Variants in STXBP5L observed in about 807,000 individuals in gnomAD.
The protein encoded by STXBP5L is syntaxin-binding protein 5-like.
Under a neutral mutation model 144.5 loss-of-function variants are expected in STXBP5L, and 65 were observed. That is an observed-to-expected ratio of 0.45 (90% confidence interval 0.37 to 0.55). The LOEUF is 0.55. Among genes scored for constraint, STXBP5L ranks in the 20% least tolerant of loss-of-function variants. The pLI, the probability that STXBP5L is intolerant of heterozygous loss-of-function variation, is 0.00. For missense variants in STXBP5L, 1,298 were observed against 1,405.5 expected, an observed-to-expected ratio of 0.92 and a Z score of 1.22; for synonymous variants, 505 against 469.6, an observed-to-expected ratio of 1.08 and a Z score of -0.97.
chr3:121,206,157 CTGA>C (rs1232404165), intron 10 of STXBP5L, among the ~76,000 whole-genome samples, 156 bp downstream of exon 10: 3 of 151,990 alleles, frequency 2.0e-5, no homozygotes, highest in Non-Finnish European at 4.4e-5. Flanking sequence ...AGACATATCT[CTGA>C]TGATTATTAT....
At chr3:121,077,676 G>T (rs371122182) in intron 5 of STXBP5L, among the ~76,000 whole-genome samples, 16 of 152,266 alleles carry the variant, frequency 1.1e-4, no homozygotes, top group Non-Finnish European at 1.8e-4. Flanking sequence ...ACAGAGAGCC[G>T]AGTGGTCTGT....
chr3:121,390,270 C>T (rs1277643910), intron 22 of STXBP5L, among the ~76,000 whole-genome samples: 1 of 152,064 alleles, frequency 6.6e-6, no homozygotes, highest in East Asian at 1.9e-4. Context: ...TTACTTTGAG[C>T]CTATGTGCGT....
intron 5 of STXBP5L, among the ~76,000 whole-genome samples, chr3:121,077,036 G>C (rs756701008): frequency 1.7e-4 from 26 of 152,164 alleles, no homozygotes; most frequent in Admixed American, 7.9e-4. Flanking sequence ...TAAGAGGTCT[G>C]TGCCTCCCAG....
intron 19 of STXBP5L, among the ~76,000 whole-genome samples, chr3:121,295,335 G>A (rs932664898): frequency 2.6e-5 from 4 of 152,064 alleles, no homozygotes; most frequent in African/African-American, 9.7e-5. Context: ...ACTACAGAAT[G>A]AAGAGATACA....
At position 121,333,243 on chromosome 3, in the gene STXBP5L, T is replaced by C. The variant is rs368792842; in HGVS notation, c.2176+14703T>C. Among the ~76,000 whole-genome samples, 4 of 152,070 alleles carry C rather than the reference T, an allele frequency of 2.6e-5. No individual in the cohort carries two copies. The South Asian group carries it at 6.2e-4, about 24-fold the overall frequency. Reference sequence around the variant, plus strand: ...ACAGTACCTCACATCTCAACAGTAATGTTAAATGTAAGTGGTCTAAATGCT... The same window carrying C: ...ACAGTACCTCACATCTCAACAGTAACGTTAAATGTAAGTGGTCTAAATGCT... On this transcript the variant is annotated intron_variant, in intron 20 of 26. Transcript: ENST00000471454.
At chr3:121,223,180 T>C (rs752496718) in intron 11 of STXBP5L, 23 bp downstream of exon 11, 1 of 1,561,870 alleles carries the variant, frequency 6.4e-7, no homozygotes, top group South Asian at 1.2e-5. Context: ...AATGAAACTA[T>C]TAATGTTGAA....
chr3:121,037,765 T>C (rs1946862272), intron 3 of STXBP5L, among the ~76,000 whole-genome samples: 2 of 152,162 alleles, frequency 1.3e-5, no homozygotes, highest in South Asian at 4.1e-4. Flanking sequence ...TGTCATAGAT[T>C]TTATTTTATA....
intron 3 of STXBP5L, among the ~76,000 whole-genome samples, chr3:121,002,613 G>T (rs991988864): frequency 6.6e-6 from 1 of 152,026 alleles, no homozygotes; most frequent in East Asian, 1.9e-4. Flanking sequence ...TCATTACCAA[G>T]ATCAGTATCA....
intron 1 of STXBP5L, among the ~76,000 whole-genome samples, chr3:120,908,873 G>C (rs1235677350): frequency 2.7e-5 from 4 of 150,340 alleles, no homozygotes; most frequent in Admixed American, 2.6e-4. Flanking sequence ...GGGGAGGTGA[G>C]GGGGAGGCGG....
intron 5 of STXBP5L, among the ~76,000 whole-genome samples, chr3:121,077,146 G>A (rs2042051968): frequency 6.6e-6 from 1 of 152,066 alleles, no homozygotes; most frequent in Non-Finnish European, 1.5e-5. Flanking sequence ...ACCAATTCAC[G>A]AGCCCCACCT....
At chr3:121,059,521 G>T (rs2041151374) in intron 5 of STXBP5L, among the ~76,000 whole-genome samples, 1 of 152,124 alleles carries the variant, frequency 6.6e-6, no homozygotes, top group Non-Finnish European at 1.5e-5. Flanking sequence ...GAATGTCAGT[G>T]GTAGCTTGAT....
intron 19 of STXBP5L, among the ~76,000 whole-genome samples, chr3:121,301,882 C>G (rs922204423): frequency 4.6e-5 from 7 of 152,194 alleles, no homozygotes; most frequent in African/African-American, 1.7e-4. Flanking sequence ...AGCCTTGCAT[C>G]CCAGGGATGA....
In STXBP5L at chr3:121,191,076, G is replaced by T. The variant is rs545232652; in HGVS notation, c.878-14847G>T. 4.6e-5 allele frequency among the ~76,000 whole-genome samples: 7 copies of T among 152,016 alleles called. No homozygotes were observed. The South Asian group carries it at 1.5e-3, about 32-fold the overall frequency. On this transcript the variant is annotated intron_variant, in intron 9 of 26. Transcript: ENST00000471454. ...CCAGACTGGGTGGCCAGGCAGAGGG[G>T]CTCCTCACATCCCAGACGATGGGCG...
chr3:121,333,939 C>T (rs1218013364), intron 20 of STXBP5L, among the ~76,000 whole-genome samples: 1 of 152,030 alleles, frequency 6.6e-6, no homozygotes, highest in East Asian at 1.9e-4. Flanking sequence ...TGAATTGTAT[C>T]TCCCATAATT....
intron 4 of STXBP5L, among the ~76,000 whole-genome samples, chr3:121,043,409 A>G (rs549918917): frequency 2.8e-4 from 42 of 152,090 alleles, no homozygotes; most frequent in Non-Finnish European, 2.8e-4. Context: ...TCTCAGTTTT[A>G]TCACAGAATT....
At chr3:121,040,819 T>C (rs1024924531) in intron 3 of STXBP5L, among the ~76,000 whole-genome samples, 3 of 152,116 alleles carry the variant, frequency 2.0e-5, no homozygotes, top group African/African-American at 4.8e-5. Context: ...TCAGGGATCA[T>C]TGTCATTTCC....
intron 22 of STXBP5L, 139 bp downstream of exon 22, chr3:121,381,671 C>T (rs2046327743): frequency 1.2e-5 from 12 of 1,041,490 alleles, no homozygotes; most frequent in South Asian, 5.5e-5. Flanking sequence ...GAATTTTATA[C>T]ATCATATACC....
intron 9 of STXBP5L, among the ~76,000 whole-genome samples, chr3:121,167,361 TAAAAGAA>T (rs2046536790): frequency 2.0e-5 from 3 of 152,084 alleles, no homozygotes; most frequent in Admixed American, 2.0e-4. Context: ...AAAGATGGTA[TAAAAGAA>T]AAAAGTAAAT....
intron 20 of STXBP5L, among the ~76,000 whole-genome samples, chr3:121,328,062 A>G (rs958861579): frequency 8.5e-5 from 13 of 152,210 alleles, no homozygotes; most frequent in Admixed American, 1.3e-4. Context: ...AGGACATACT[A>G]TTGTGCAAAG....
Sources: gnomAD v4.1 joint callset for allele counts (sites outside exome capture counted in the v4.1 genomes callset) on GRCh38, gnomAD v4.1.1 for gene constraint, MANE v1.5 for transcripts, NCBI Gene and HGNC (gene_info 2026-07-23, HGNC 2026-07-21) for gene names.